The following STXBP5L variants were observed in gnomAD, a reference collection of about 807,000 sequenced individuals.
STXBP5L encodes syntaxin-binding protein 5-like.
STXBP5L carries 65 observed loss-of-function variants against 144.5 expected under a neutral mutation model. That is an observed-to-expected ratio of 0.45 (90% CI 0.37 to 0.55). The LOEUF (loss-of-function observed/expected upper bound fraction) is 0.55, where lower values mean the gene tolerates loss of function less well. Ranked by LOEUF, STXBP5L falls within the 20% of genes least tolerant of loss-of-function variation. STXBP5L has a pLI of 0.00. For missense variants in STXBP5L, 1,298 were observed against 1,405.5 expected (o/e 0.92, Z 1.22); for synonymous variants, 505 against 469.6 (o/e 1.08, Z -0.97).
At chr3:121,001,826 A>G (rs183478041) in intron 3 of STXBP5L, among the ~76,000 whole-genome samples, 10 of 152,260 alleles carry the variant, frequency 6.6e-5, no homozygotes, top group African/African-American at 2.4e-4. Flanking sequence ...GCTGATCTTC[A>G]TGGTCTGGCC....
At position 121,357,311 on chromosome 3, in the gene STXBP5L, G is replaced by A. The variant is rs72969904; in HGVS notation, c.2177-21405G>A. On this transcript the variant is annotated intron_variant, in intron 20 of 26. Coordinates refer to ENST00000471454, the MANE Select transcript of STXBP5L (RefSeq NM_001308330.2). ...AAATTGTTGTAGGTAGTGGAGCATC[G>A]CTTTTTATGTGTGTGTGAAAATGAA... is the stretch of plus-strand genomic sequence containing the variant. The A allele has an allele frequency of 2.2e-3, 393 of 176,056 alleles. 1 individual carries two copies. Among genetic ancestry groups the A allele is most frequent in the African/African-American group, 8.5e-3 (359 of 42,328 alleles). 10.9% of individuals were successfully genotyped at this position (176,056 alleles called of 1,614,324 possible). A position where few individuals can be genotyped will look rare whatever the true frequency, so the allele number is the denominator to read the frequency against.
chr3:121,145,935 GA>G (rs1291978211), intron 7 of STXBP5L, among the ~76,000 whole-genome samples: 1 of 151,974 alleles, frequency 6.6e-6, no homozygotes, highest in Non-Finnish European at 1.5e-5. Context: ...TTGAGCTTAG[GA>G]TAGAACAAAA....
chr3:120,933,891 TCTC>T (rs568987715), intron 2 of STXBP5L, among the ~76,000 whole-genome samples: 121 of 152,176 alleles, frequency 8.0e-4, no homozygotes, highest in African/African-American at 2.6e-3. Context: ...TTTAAAAAAA[TCTC>T]CTTTATCTAG....
chr3:121,300,045 C>T (rs151164640), intron 19 of STXBP5L, among the ~76,000 whole-genome samples: 31 of 150,336 alleles, frequency 2.1e-4, no homozygotes, highest in African/African-American at 7.1e-4. Flanking sequence ...CTAAAACCAA[C>T]CTACAAGAGA....
chr3:121,008,264 T>C (rs578067954), intron 3 of STXBP5L, among the ~76,000 whole-genome samples: 125 of 152,098 alleles, frequency 8.2e-4, no homozygotes, highest in African/African-American at 2.9e-3. Context: ...CAGTTCCCAG[T>C]ATAATAACTC....
At chr3:121,355,944 T>C (rs114368310) in intron 20 of STXBP5L, among the ~76,000 whole-genome samples, 5,411 of 152,324 alleles carry the variant, frequency 0.036, 146 homozygotes, top group Middle Eastern at 0.082. Context: ...AACAGTCAGG[T>C]TCCTCAGCTG....
intron 9 of STXBP5L, among the ~76,000 whole-genome samples, chr3:121,160,915 C>G (rs937485429): frequency 6.6e-6 from 1 of 152,072 alleles, no homozygotes; most frequent in Non-Finnish European, 1.5e-5. Flanking sequence ...CTATTCAAAG[C>G]CTATTAGAGC....
At chr3:121,334,436 C>CA (rs2044431712) in intron 20 of STXBP5L, among the ~76,000 whole-genome samples, 2 of 139,576 alleles carry the variant, frequency 1.4e-5, no homozygotes, top group South Asian at 5.0e-4. Context: ...GGCAGGGACA[C>CA]AACAACAAAA....
At chr3:121,273,539 T>C (rs925676586) in intron 18 of STXBP5L, among the ~76,000 whole-genome samples, 1 of 152,072 alleles carries the variant, frequency 6.6e-6, no homozygotes, top group Non-Finnish European at 1.5e-5. Context: ...TCTGGATATG[T>C]ATATTTCTCT....
chr3:120,990,602 A>G (rs1942748828), intron 3 of STXBP5L, among the ~76,000 whole-genome samples: 1 of 152,218 alleles, frequency 6.6e-6, no homozygotes, highest in African/African-American at 2.4e-5. Flanking sequence ...ACTGGTACCA[A>G]AACAGCATGG....
At chr3:121,202,557 T>A (rs1162868150) in intron 9 of STXBP5L, among the ~76,000 whole-genome samples, 1 of 152,226 alleles carries the variant, frequency 6.6e-6, no homozygotes, top group East Asian at 1.9e-4. Flanking sequence ...CTGAAGGACT[T>A]TTTTTAGTAT....
At chr3:121,265,231 CT>C (rs2050523125) in intron 18 of STXBP5L, among the ~76,000 whole-genome samples, 1 of 152,146 alleles carries the variant, frequency 6.6e-6, no homozygotes, top group Non-Finnish European at 1.5e-5. Flanking sequence ...AAGTAAAACA[CT>C]CCTCAGCAAG....
chr3:121,213,007 T>A (rs1170446234), intron 10 of STXBP5L, among the ~76,000 whole-genome samples: 1 of 152,164 alleles, frequency 6.6e-6, no homozygotes, highest in Non-Finnish European at 1.5e-5. Flanking sequence ...ACGATTTGGC[T>A]CTCTGTCTGT....
chr3:121,015,843 A>T (rs77066608), intron 3 of STXBP5L, among the ~76,000 whole-genome samples: 2,807 of 152,292 alleles, frequency 0.018, 93 homozygotes, highest in African/African-American at 0.058. Context: ...AAAAGGTGTT[A>T]CAACTGGAGA....
chr3:120,929,833 A>T (rs958717591), intron 2 of STXBP5L, among the ~76,000 whole-genome samples: 1 of 152,226 alleles, frequency 6.6e-6, no homozygotes, highest in East Asian at 1.9e-4. Context: ...TTTGTATTTT[A>T]TGATTACTGG....
At chr3:121,338,933 AG>A (rs2044608667) in intron 20 of STXBP5L, among the ~76,000 whole-genome samples, 1 of 152,264 alleles carries the variant, frequency 6.6e-6, no homozygotes, top group Middle Eastern at 3.4e-3. Flanking sequence ...AAAAAAGCCA[AG>A]GGCCATACAA....
Position 120,998,019 on chromosome 3 carries a change from A to G in STXBP5L, c.287+42982A>G, listed in dbSNP as rs532244462. On this transcript the variant is annotated intron_variant, in intron 3 of 26. Coordinates refer to ENST00000471454, the MANE Select transcript of STXBP5L (RefSeq NM_001308330.2). ...TCAATAGTTGCAGATAAAGCTTTCTATACAATTCAAGATCCCTTCATGTTA... is the reference window on the plus strand; with the variant it reads ...TCAATAGTTGCAGATAAAGCTTTCTGTACAATTCAAGATCCCTTCATGTTA... Among the ~76,000 whole-genome samples the G allele has an allele frequency of 5.9e-5, 9 of 152,330 alleles. No individual in the cohort carries two copies. The South Asian group carries it at 1.9e-3, about 32-fold the overall frequency.
At chr3:121,355,846 T>C (rs760368987) in intron 20 of STXBP5L, among the ~76,000 whole-genome samples, 2 of 152,236 alleles carry the variant, frequency 1.3e-5, no homozygotes, top group African/African-American at 2.4e-5. Context: ...TGGTCTTTGA[T>C]GTTGGTGACC....
intron 9 of STXBP5L, among the ~76,000 whole-genome samples, chr3:121,200,789 G>A (rs890425576): frequency 1.3e-5 from 2 of 152,220 alleles, no homozygotes; most frequent in Middle Eastern, 3.4e-3. Flanking sequence ...TTAGTTGTGT[G>A]GTTTTGAGTG....
Sources: allele counts gnomAD v4.1 joint callset (sites outside exome capture counted in the v4.1 genomes callset), GRCh38; gene constraint gnomAD v4.1.1; transcripts MANE v1.5; gene names NCBI Gene and HGNC (gene_info 2026-07-23, HGNC 2026-07-21).